The following ADGRL3 variants were observed in gnomAD, a reference collection of about 807,000 sequenced individuals.
The protein encoded by ADGRL3 is adhesion G protein-coupled receptor L3.
A neutral mutation model predicts 153.5 loss-of-function variants in ADGRL3; 62 were observed. That is an observed-to-expected ratio of 0.40 (90% CI 0.33 to 0.50). ADGRL3 has a LOEUF of 0.50. Among genes scored for constraint, ADGRL3 ranks in the 20% least tolerant of loss-of-function variants. The pLI, the probability that ADGRL3 is intolerant of heterozygous loss-of-function variation, is 0.47. For missense variants in ADGRL3, 1,641 were observed against 1,859.4 expected (o/e 0.88, Z 2.16); for synonymous variants, 710 against 672.5 (o/e 1.06, Z -0.86).
chr4:61,521,906 A>G (rs969580788), intron 4 of ADGRL3, among the ~76,000 whole-genome samples: 1 of 152,150 alleles, frequency 6.6e-6, no homozygotes, highest in Admixed American at 6.6e-5. Context: ...TGAAAAAAAA[A>G]CTAAACTAAA....
chr4:61,782,306 A>T (rs369137363), intron 8 of ADGRL3, among the ~76,000 whole-genome samples: 2 of 152,198 alleles, frequency 1.3e-5, no homozygotes, highest in Non-Finnish European at 2.9e-5. Flanking sequence ...TGAGCTGTAT[A>T]AACAATGAGC....
At chr4:61,368,738 T>G (rs978809520) in intron 1 of ADGRL3, among the ~76,000 whole-genome samples, 4 of 152,178 alleles carry the variant, frequency 2.6e-5, no homozygotes, top group Non-Finnish European at 4.4e-5. Flanking sequence ...ATATGAACTT[T>G]AAAGTAGTTT....
chr4:61,604,519 C>A (rs1042168642), intron 5 of ADGRL3, among the ~76,000 whole-genome samples: 1 of 152,098 alleles, frequency 6.6e-6, no homozygotes, highest in African/African-American at 2.4e-5. Flanking sequence ...TATGACTTAG[C>A]AAAGAAAAGT....
At chr4:61,862,920 T>A (rs1395031769) in intron 9 of ADGRL3, among the ~76,000 whole-genome samples, 1 of 152,082 alleles carries the variant, frequency 6.6e-6, no homozygotes, top group Non-Finnish European at 1.5e-5. Context: ...GAAGGGAGCT[T>A]ATTTTAAATC....
intron 5 of ADGRL3, among the ~76,000 whole-genome samples, chr4:61,621,589 A>T (rs192621827): frequency 0.01 from 1,588 of 152,188 alleles, 33 homozygotes; most frequent in African/African-American, 0.035. Flanking sequence ...TTATCTTTTT[A>T]AAAAATACTA....
rs553350955 is a variant in ADGRL3, at chr4:61,563,906, G to A, written c.260-23321G>A. ...GCCTGTGATCCCAGCTACTCGAGAG[G>A]CTGAGGCAGGAGAATCGATTGAACT... On this transcript the variant is annotated intron_variant, in intron 4 of 26. Coordinates refer to ENST00000683033, the MANE Select transcript of ADGRL3 (RefSeq NM_001387552.1). 1.2e-3 allele frequency among the ~76,000 whole-genome samples: 188 copies of A among 152,230 alleles called. 1 individual carries two copies. Among genetic ancestry groups the A allele is most frequent in the Middle Eastern group, 3.4e-3 (1 of 294 alleles).
intron 5 of ADGRL3, among the ~76,000 whole-genome samples, chr4:61,606,914 C>G (rs2099034594): frequency 6.6e-6 from 1 of 152,218 alleles, no homozygotes; most frequent in African/African-American, 2.4e-5. Flanking sequence ...AGAAGGGAAA[C>G]TGAATTGAGA....
intron 5 of ADGRL3, among the ~76,000 whole-genome samples, chr4:61,670,799 G>T (rs1339822465): frequency 1.3e-5 from 2 of 152,124 alleles, no homozygotes; most frequent in Non-Finnish European, 2.9e-5. Flanking sequence ...CCTGGGGTTG[G>T]CCATAGTAAC....
At chr4:61,822,536 G>A (rs1337963426) in intron 9 of ADGRL3, among the ~76,000 whole-genome samples, 1 of 152,102 alleles carries the variant, frequency 6.6e-6, no homozygotes, top group Admixed American at 6.6e-5. Context: ...ATGCTAAAAT[G>A]TATTTGTTAT....
intron 1 of ADGRL3, among the ~76,000 whole-genome samples, chr4:61,373,496 G>A (rs57106016): frequency 0.22 from 33,803 of 152,012 alleles, 4,158 homozygotes; most frequent in Admixed American, 0.27. Context: ...ATGTTAAAAT[G>A]TTAAAATTTT....
intron 5 of ADGRL3, among the ~76,000 whole-genome samples, chr4:61,676,244 T>A (rs1279103498): frequency 6.6e-6 from 1 of 151,988 alleles, no homozygotes; most frequent in Non-Finnish European, 1.5e-5. Flanking sequence ...GACAGTTAAT[T>A]CCTAAAGTGG....
chr4:61,908,807 G>A (rs892063782), intron 11 of ADGRL3, among the ~76,000 whole-genome samples: 2 of 151,930 alleles, frequency 1.3e-5, no homozygotes, highest in Admixed American at 1.3e-4. Context: ...CTTCTTTCTT[G>A]TTTCTCATGA....
intron 6 of ADGRL3, among the ~76,000 whole-genome samples, chr4:61,714,487 C>A (rs2096068305): frequency 6.6e-6 from 1 of 152,140 alleles, no homozygotes; most frequent in South Asian, 2.1e-4. Flanking sequence ...GGCACGCAGG[C>A]CTACCTCAGC....
chr4:61,937,206 T>C (rs1225874677), intron 15 of ADGRL3, among the ~76,000 whole-genome samples: 2 of 152,122 alleles, frequency 1.3e-5, no homozygotes, highest in African/African-American at 2.4e-5. Context: ...ATCTGACCAG[T>C]TGACCTCCAA....
chr4:61,901,717 GA>G (rs1312906416), intron 11 of ADGRL3, among the ~76,000 whole-genome samples: 1 of 151,988 alleles, frequency 6.6e-6, no homozygotes, highest in African/African-American at 2.4e-5. Context: ...TCTCAATGCT[GA>G]ATTTTAAAAA....
chr4:61,804,386 A>C (rs1172743625), intron 8 of ADGRL3, among the ~76,000 whole-genome samples: 3 of 152,108 alleles, frequency 2.0e-5, no homozygotes, highest in Non-Finnish European at 4.4e-5. Flanking sequence ...AGAAGAGGAG[A>C]TTCTGAACTA....
intron 5 of ADGRL3, among the ~76,000 whole-genome samples, chr4:61,592,920 T>A (rs983340150): frequency 6.6e-6 from 1 of 152,180 alleles, no homozygotes; most frequent in Non-Finnish European, 1.5e-5. Context: ...AAATTTGGAA[T>A]CCCTTTTAAG....
At chr4:61,855,163 T>C (rs57488001) in intron 9 of ADGRL3, among the ~76,000 whole-genome samples, 5,979 of 152,282 alleles carry the variant, frequency 0.039, 199 homozygotes, top group East Asian at 0.14. Flanking sequence ...ATTGGTTGAT[T>C]AGTTGAGACA....
In ADGRL3 at chr4:62,074,372, A is replaced by C. The variant is rs1278372412; in HGVS notation, c.*3464A>C. The C allele has an allele frequency of 6.6e-6, 1 of 152,088 alleles. No homozygotes were observed. Among genetic ancestry groups the C allele is most frequent in the African/African-American group, 2.4e-5 (1 of 41,416 alleles). 9.4% of individuals were successfully genotyped at this position (152,088 alleles called of 1,614,324 possible). A position where few individuals can be genotyped will look rare whatever the true frequency, so the allele number is the denominator to read the frequency against. On this transcript the variant is annotated 3_prime_UTR_variant, in exon 27 of 27. Transcript: ENST00000683033. ...TCCTCTTTGAAATCTAGTTCACATG[A>C]CACTTTATCAGGGACACTAGCTAAT...
Sources: allele counts gnomAD v4.1 joint callset (sites outside exome capture counted in the v4.1 genomes callset), GRCh38; gene constraint gnomAD v4.1.1; transcripts MANE v1.5; gene names NCBI Gene and HGNC (gene_info 2026-07-23, HGNC 2026-07-21).